The following CLDN18 variants were observed in gnomAD, a reference collection of about 807,000 sequenced individuals.
The protein encoded by CLDN18 is claudin-18.
In CLDN18, 20 loss-of-function variants were observed where a neutral mutation model predicts 25.0. That is an observed-to-expected ratio of 0.80 (90% CI 0.56 to 1.16). The LOEUF (loss-of-function observed/expected upper bound fraction) is 1.16. CLDN18 is among the 50% of genes most tolerant of loss of function. CLDN18 has a pLI of 0.00. For missense variants in CLDN18, 297 were observed against 345.4 expected (o/e 0.86, Z 1.11); for synonymous variants, 125 against 135.6 (o/e 0.92, Z 0.54).
chr3:138,013,063 T>C (rs542318539), intron 1 of CLDN18, among the ~76,000 whole-genome samples: 1 of 152,296 alleles, frequency 6.6e-6, no homozygotes, highest in African/African-American at 2.4e-5. Context: ...GTAGAGTGAG[T>C]ATTTAGCAAA....
rs1200943929 is a variant in CLDN18 at position 138,031,271 on chromosome 3, T to A, written c.*130T>A. The A allele has an allele frequency of 1.3e-6, 1 of 758,088 alleles. No individual in the cohort carries two copies. The highest frequency in any genetic ancestry group is 2.0e-6 in the Non-Finnish European group (1 of 491,204). The allele number at this position is 758,088 out of a possible 1,614,324, so 47.0% of individuals were successfully genotyped here. A position where few individuals can be genotyped will look rare whatever the true frequency, so the allele number is the denominator to read the frequency against. The stretch of plus-strand genomic sequence containing the variant: ...AAGTTAGAAAAGCCTCGATTTCATC[T>A]TTGGAGAGGCCAAATGGTCTTAGCC... On this transcript the variant is annotated 3_prime_UTR_variant, in exon 5 of 5. Transcript: ENST00000183605.
chr3:138,012,608 C>T (rs139117604), intron 1 of CLDN18, among the ~76,000 whole-genome samples: 1 of 152,286 alleles, frequency 6.6e-6, no homozygotes, highest in East Asian at 1.9e-4. Context: ...TCCTCAAGCC[C>T]CCAAATTGAA....
intron 1 of CLDN18, among the ~76,000 whole-genome samples, chr3:138,020,848 C>G (rs967771594): frequency 2.0e-5 from 3 of 152,176 alleles, no homozygotes; most frequent in Non-Finnish European, 1.5e-5. Flanking sequence ...TAAGAGTATA[C>G]AGATCCTTGT....
At chr3:138,002,355 G>A (rs1942027932) in intron 1 of CLDN18, among the ~76,000 whole-genome samples, 2 of 152,200 alleles carry the variant, frequency 1.3e-5, no homozygotes, top group South Asian at 4.1e-4. Flanking sequence ...TTGCAATCAG[G>A]TCTGACCAAA....
chr3:138,018,993 A>T (rs923777678), intron 1 of CLDN18, among the ~76,000 whole-genome samples: 2 of 152,184 alleles, frequency 1.3e-5, no homozygotes, highest in Admixed American at 6.5e-5. Flanking sequence ...ACCATATTTT[A>T]TCATTATGTG....
At chr3:137,998,833 T>C in exon 1 of CLDN18, 2 of 1,601,158 alleles carry the variant, frequency 1.2e-6, no homozygotes, top group South Asian at 1.1e-5. Context: ...CGCTGTCCAC[T>C]TGTCGTGTGG....
chr3:138,000,313 C>T (rs1942002530), intron 1 of CLDN18, among the ~76,000 whole-genome samples: 1 of 152,098 alleles, frequency 6.6e-6, no homozygotes, highest in African/African-American at 2.4e-5. Context: ...GGTAGAAAAA[C>T]CACAAGTGTC....
At chr3:138,004,983 T>C (rs1325618090) in intron 1 of CLDN18, 1 of 152,046 alleles carries the variant, frequency 6.6e-6, no homozygotes, top group Non-Finnish European at 1.5e-5. Context: ...AAATACATTA[T>C]ATGTTTTTTT....
chr3:138,024,440 C>T (rs1369851897), intron 2 of CLDN18, among the ~76,000 whole-genome samples, 167 bp from the exon 3 acceptor site: 1 of 152,216 alleles, frequency 6.6e-6, no homozygotes, highest in African/African-American at 2.4e-5. Context: ...ATTCTAAGCA[C>T]CTATCACAAT....
intron 3 of CLDN18, among the ~76,000 whole-genome samples, chr3:138,025,752 T>C (rs6766296): frequency 0.49 from 74,015 of 151,996 alleles, 19,739 homozygotes; most frequent in Middle Eastern, 0.63. Flanking sequence ...AGTTTTAGCA[T>C]TATGGGTTCC....
chr3:138,015,397 C>G (rs1311598508), intron 1 of CLDN18, among the ~76,000 whole-genome samples: 1 of 152,110 alleles, frequency 6.6e-6, no homozygotes, highest in African/African-American at 2.4e-5. Flanking sequence ...GAAGAGAGAC[C>G]TGAAGCAGAG....
chr3:138,007,955 C>A (rs1005767528), upstream of CLDN18, among the ~76,000 whole-genome samples: 2 of 152,174 alleles, frequency 1.3e-5, no homozygotes, highest in African/African-American at 2.4e-5. Context: ...CTGTTGCTTA[C>A]CCTCTTATTT....
In CLDN18 at chr3:138,024,597, T is replaced by C; in HGVS notation, c.386-10T>C. ...ACTAACTCTGGAGTTTTCTTTTTCT[T>C]TGCCCACAGGTCTTTGTGCAATTGC... On this transcript the variant is annotated splice_polypyrimidine_tract_variant and intron_variant, in intron 2 of 4. Coordinates refer to ENST00000183605, the MANE Select transcript of CLDN18 (RefSeq NM_016369.4). 12 of 1,568,542 alleles carry C rather than the reference T, an allele frequency of 7.7e-6. No individual in the cohort carries two copies. Among genetic ancestry groups the C allele is most frequent in the Non-Finnish European group, 8.8e-6 (10 of 1,139,428 alleles).
rs1365628980 is a variant in CLDN18 at position 138,019,110 on chromosome 3, G to A, written c.221-4548G>A. Among the ~76,000 whole-genome samples the A allele has an allele frequency of 2.6e-5, 4 of 152,288 alleles. No individual in the cohort carries two copies. The South Asian group carries it at 6.2e-4, about 24-fold the overall frequency. On this transcript the variant is annotated intron_variant, in intron 1 of 4. Coordinates refer to ENST00000183605, the MANE Select transcript of CLDN18 (RefSeq NM_016369.4). The stretch of plus-strand genomic sequence containing the variant: ...GAGGAAACTGATATTTATTGAGCCT[G>A]GCTTAGGTTTATGCCAAGTAGCATC...
At chr3:138,008,267 G>T (rs1167626384), upstream of CLDN18, among the ~76,000 whole-genome samples, 5 of 151,878 alleles carry the variant, frequency 3.3e-5, no homozygotes, top group South Asian at 1.0e-3. Context: ...GTGTGTGTAT[G>T]TTTCAGGGCC....
intron 1 of CLDN18, among the ~76,000 whole-genome samples, chr3:138,016,998 G>A (rs1942213503): frequency 6.6e-6 from 1 of 151,922 alleles, no homozygotes; most frequent in Non-Finnish European, 1.5e-5. Context: ...AGAGGTTGCA[G>A]TGAGCTGAGA....
intron 1 of CLDN18, chr3:137,999,172 G>A: frequency 8.3e-7 from 1 of 1,206,516 alleles, no homozygotes; most frequent in Non-Finnish European, 1.2e-6. Context: ...ACCACGACAG[G>A]GACTGCTGGG....
At chr3:138,026,313 A>G (rs1275242329) in intron 3 of CLDN18, among the ~76,000 whole-genome samples, 1 of 152,220 alleles carries the variant, frequency 6.6e-6, no homozygotes, top group Non-Finnish European at 1.5e-5. Context: ...TGTATAAAAC[A>G]TTTCATTTTA....
At position 138,031,132 on chromosome 3, in the gene CLDN18, C is replaced by T. The variant is rs767039113; in HGVS notation, c.777C>T (p.Asp259=). ...TACAATCTTATCCTTCCAAGCACGACTATGTGTAATGCTCTAAGACCTCTC... is the reference window on the plus strand; with the variant it reads ...TACAATCTTATCCTTCCAAGCACGATTATGTGTAATGCTCTAAGACCTCTC... ...DEVQSYPSKH[D]YV The change falls in exon 5 of 5, where the codon GAC becomes GAT. Residue 259 remains aspartate (D), a synonymous_variant. Transcript: ENST00000183605. 2 of 1,613,370 alleles carry T rather than the reference C, an allele frequency of 1.2e-6. No individual in the cohort carries two copies. Among genetic ancestry groups the T allele is most frequent in the South Asian group, 2.2e-5 (2 of 90,980 alleles).
Sources: gnomAD v4.1 joint callset for allele counts (sites outside exome capture counted in the v4.1 genomes callset) on GRCh38, gnomAD v4.1.1 for gene constraint, MANE v1.5 for transcripts, NCBI Gene and HGNC (gene_info 2026-07-23, HGNC 2026-07-21) for gene names.